NID2: variants seen among roughly 807,000 people sequenced by gnomAD.
The protein encoded by NID2 is nidogen-2.
In NID2, 83 loss-of-function variants were observed where a neutral mutation model predicts 145.4. The ratio of observed to expected loss-of-function variants is 0.57; its 90% confidence interval spans 0.48 to 0.69. The LOEUF (loss-of-function observed/expected upper bound fraction) is 0.69. Ranked by LOEUF, NID2 falls within the 30% of genes least tolerant of loss-of-function variation. The probability of loss-of-function intolerance (pLI) is 0.00; values close to 1 mark genes in which losing one functional copy is unlikely to be tolerated. For missense variants in NID2, 1,807 were observed against 1,765.7 expected, an observed-to-expected ratio of 1.02 and a Z score of -0.42; for synonymous variants, 739 against 701.3, an observed-to-expected ratio of 1.05 and a Z score of -0.85.
At chr14:52,005,896 A>T in intron 20 of NID2, 47 bp from the exon 21 acceptor site, 6 of 1,392,204 alleles carry the variant, frequency 4.3e-6, no homozygotes, top group Non-Finnish European at 6.0e-6. Context: ...CATTTACTAG[A>T]TAAAGAAGTC....
intron 2 of NID2, among the ~76,000 whole-genome samples, chr14:52,062,392 T>A (rs563779966): frequency 6.6e-6 from 1 of 152,330 alleles, no homozygotes; most frequent in Non-Finnish European, 1.5e-5. Flanking sequence ...AGAAATGTTT[T>A]TAGAGCTTCT....
chr14:52,049,502 G>A (rs1191756527), intron 5 of NID2, among the ~76,000 whole-genome samples: 1 of 152,080 alleles, frequency 6.6e-6, no homozygotes, highest in East Asian at 1.9e-4. Flanking sequence ...AACACAGAGG[G>A]ACACAGGAGG....
intron 2 of NID2, among the ~76,000 whole-genome samples, chr14:52,064,805 T>C (rs191856481): frequency 3.5e-4 from 54 of 152,320 alleles, no homozygotes; most frequent in African/African-American, 1.3e-3. Flanking sequence ...ATTCTCAATA[T>C]CCATTCTTTT....
Position 52,010,951 on chromosome 14 carries a change from T to C in NID2, c.3647A>G (p.Asp1216Gly), listed in dbSNP as rs377229639. Residue 1216 changes from aspartate to glycine, a missense_variant, in exon 18 of 22, where the codon GAT becomes GGT. Physicochemically the swap from Asp to Gly is moderately conservative, Grantham distance 94. Transcript: ENST00000216286. Reference sequence around the variant, plus strand: ...GAAGAGGACCTTGCGCTCAGAGCCATCCAGCAGGGCGCTCTCTATCTTATC... The same window carrying C: ...GAAGAGGACCTTGCGCTCAGAGCCACCCAGCAGGGCGCTCTCTATCTTATC... ...VLDKIESALL[D>G]GSERKVLFYT... The C allele has an allele frequency of 6.2e-7, 1 of 1,613,972 alleles. No homozygotes were observed. Among genetic ancestry groups the C allele is most frequent in the Non-Finnish European group, 8.5e-7 (1 of 1,180,032 alleles).
chr14:52,066,126 TAAAAG>T lies in NID2; in HGVS notation c.534+1727_534+1731del, dbSNP rs539160200. ...TGCAGGTGGATTTTAATTAGAAAAG[TAAAAG>T]AGAGATGGAATTTACAAATCTCTTC... On this transcript the variant is annotated intron_variant, in intron 2 of 21. Transcript: ENST00000216286. 1.1e-4 allele frequency among the ~76,000 whole-genome samples: 17 copies of T among 152,166 alleles called. No individual in the cohort carries two copies. The South Asian group carries it at 3.3e-3, about 30-fold the overall frequency.
At chr14:52,040,252 T>G (rs1388719420) in intron 8 of NID2, among the ~76,000 whole-genome samples, 2 of 64,920 alleles carry the variant, frequency 3.1e-5, no homozygotes, top group African/African-American at 7.8e-5. Flanking sequence ...CTTTCTGTGA[T>G]TTTTTTTTTT....
chr14:52,054,603 T>G (rs921368186), intron 3 of NID2, among the ~76,000 whole-genome samples: 1 of 152,162 alleles, frequency 6.6e-6, no homozygotes, highest in Non-Finnish European at 1.5e-5. Context: ...AGCTACTCAG[T>G]AGGCTGAGGC....
At chr14:52,024,362 GA>G (rs1891507634) in intron 12 of NID2, among the ~76,000 whole-genome samples, 2 of 152,200 alleles carry the variant, frequency 1.3e-5, no homozygotes, top group South Asian at 4.1e-4. Context: ...TGTAGTGTTA[GA>G]GAGGCCCAAG....
In NID2 at chr14:52,015,291, A is replaced by G; in HGVS notation, c.3029-16T>C. On this transcript the variant is annotated splice_polypyrimidine_tract_variant and intron_variant, in intron 14 of 21. Coordinates refer to ENST00000216286, the MANE Select transcript of NID2 (RefSeq NM_007361.4). The stretch of plus-strand genomic sequence containing the variant: ...TGGGTGGGCTCTGAGCAGATGGGGA[A>G]GAGGGAAGAAGAAAAACCTTTGATT... 1 of 1,591,554 alleles carries G rather than the reference A, an allele frequency of 6.3e-7. No individual in the cohort carries two copies.
chr14:52,018,949 A>C, intron 14 of NID2, 112 bp downstream of exon 14: 1 of 715,420 alleles, frequency 1.4e-6, no homozygotes, highest in African/African-American at 1.8e-5. Context: ...CTCAGGAGGA[A>C]AGAGGCTATG....
chr14:52,040,555 C>A, intron 8 of NID2, 96 bp downstream of exon 8: 2 of 1,039,790 alleles, frequency 1.9e-6, no homozygotes, highest in South Asian at 1.3e-5. Context: ...ATGCACTGTT[C>A]TAAGGACATG....
intron 9 of NID2, among the ~76,000 whole-genome samples, chr14:52,030,583 A>AACGG (rs1566755726): frequency 0.061 from 422 of 6,974 alleles, 26 homozygotes; most frequent in South Asian, 0.11. Flanking sequence ...GAAGGGAAAG[A>AACGG]AAGAAAGAAA....
rs1460013086 is a variant in NID2 at position 52,004,969 on chromosome 14, T to C, written c.*517A>G. The stretch of plus-strand genomic sequence containing the variant: ...TCATTTTAGCACCTTTTGATATAAA[T>C]AGAAATGCACTGATGCAGAGGTAAA... On this transcript the variant is annotated 3_prime_UTR_variant, in exon 22 of 22. Coordinates refer to ENST00000216286, the MANE Select transcript of NID2 (RefSeq NM_007361.4). 1 of 157,692 alleles carries C rather than the reference T, an allele frequency of 6.3e-6. No individual in the cohort carries two copies. Among genetic ancestry groups the C allele is most frequent in the African/African-American group, 2.4e-5 (1 of 41,640 alleles). The allele number at this position is 157,692 out of a possible 1,614,324, so 9.8% of individuals were successfully genotyped here.
At chr14:52,028,450 A>G (rs1279065177) in intron 11 of NID2, among the ~76,000 whole-genome samples, 2 of 151,834 alleles carry the variant, frequency 1.3e-5, no homozygotes, top group African/African-American at 2.4e-5. Context: ...AATGTTTTGT[A>G]TTGTTTGTAG....
In NID2 at chr14:52,035,856, G is replaced by GTATATATATATATATATATATATATATA. The variant is rs60735637; in HGVS notation, c.2257+2890_2257+2891insTATATATATATATATATATATATATATA. On this transcript the variant is annotated intron_variant, in intron 9 of 21. Transcript: ENST00000216286. ...ACCACACCTGGCTAAATTTTTTTGT[G>GTATATATATATATATATATATATATATA]TATATATATATATATATATATATGT... 4.1e-3 allele frequency among the ~76,000 whole-genome samples: 270 copies of GTATATATATATATATATATATATATATA among 65,102 alleles called. 1 individual carries two copies. Among genetic ancestry groups the GTATATATATATATATATATATATATATA allele is most frequent in the Middle Eastern group, 8.3e-3 (1 of 120 alleles). The allele number at this position is 65,102 out of a possible 152,430, so 42.7% of individuals were successfully genotyped here.
At chr14:52,051,741 G>A (rs1340927406) in intron 5 of NID2, among the ~76,000 whole-genome samples, 1 of 152,150 alleles carries the variant, frequency 6.6e-6, no homozygotes, top group Non-Finnish European at 1.5e-5. Flanking sequence ...TTTTGTCTAA[G>A]TTTCAAACAC....
In NID2 at chr14:52,040,778, A is replaced by G. The variant is rs745391011; in HGVS notation, c.1899T>C (p.Ala633=). Reference sequence around the variant, plus strand: ...GGTAGTTCTCTGGGTCAAGTCCCTCAGCAGTTTGAGTGATACGAACCGTCT... The same window carrying G: ...GGTAGTTCTCTGGGTCAAGTCCCTCGGCAGTTTGAGTGATACGAACCGTCT... ...GEETVRITQT[A]EGLDPENYLS... is the part of the protein sequence containing the mutation. The change falls in exon 8 of 22, where the codon GCT becomes GCC. Residue 633 remains alanine (A), a synonymous_variant. Transcript: ENST00000216286. The G allele has an allele frequency of 4.3e-6, 7 of 1,614,232 alleles. No homozygotes were observed. Among genetic ancestry groups the G allele is most frequent in the Non-Finnish European group, 5.9e-6 (7 of 1,180,046 alleles).
At chr14:52,013,409 TAAAAA>T (rs999141693) in intron 16 of NID2, among the ~76,000 whole-genome samples, 5 of 152,318 alleles carry the variant, frequency 3.3e-5, no homozygotes, top group South Asian at 2.1e-4. Context: ...ACTCGAATCT[TAAAAA>T]GAACACATCT....
At chr14:52,044,987 C>T (rs769342621) in intron 5 of NID2, among the ~76,000 whole-genome samples, 5 of 152,030 alleles carry the variant, frequency 3.3e-5, no homozygotes, top group African/African-American at 1.2e-4. Context: ...CACCTGAAGT[C>T]GCATAGGCAG....
Sources: allele counts gnomAD v4.1 joint callset (sites outside exome capture counted in the v4.1 genomes callset), GRCh38; gene constraint gnomAD v4.1.1; transcripts MANE v1.5; gene names NCBI Gene and HGNC (gene_info 2026-07-23, HGNC 2026-07-21).